PPARGC1A: variants seen among roughly 807,000 people sequenced by gnomAD.
PPARGC1A encodes peroxisome proliferator-activated receptor gamma coactivator 1-alpha.
A neutral mutation model predicts 88.7 loss-of-function variants in PPARGC1A; 25 were observed. The observed-to-expected ratio is 0.28, with a 90% CI of 0.21 to 0.39. The LOEUF is 0.39. PPARGC1A is among the 10% of genes least tolerant of loss of function. PPARGC1A has a pLI of 1.00. For missense variants in PPARGC1A, 880 were observed against 968.7 expected, an observed-to-expected ratio of 0.91 and a Z score of 1.22; for synonymous variants, 363 against 355.6, an observed-to-expected ratio of 1.02 and a Z score of -0.24.
chr4:23,900,869 T>C (rs1323090516), upstream of PPARGC1A, among the ~76,000 whole-genome samples: 1 of 152,218 alleles, frequency 6.6e-6, no homozygotes, highest in Non-Finnish European at 1.5e-5. Context: ...AGTTTTTGTT[T>C]CCATTAGGCT....
chr4:23,977,235 C>T, the PPARGC1A span, among the ~76,000 whole-genome samples: 38 of 152,248 alleles, frequency 2.5e-4, no homozygotes, highest in Middle Eastern at 3.4e-3. Flanking sequence ...CACCTCTCTC[C>T]GGCGCACACG....
At chr4:23,926,373 C>T in the PPARGC1A span, among the ~76,000 whole-genome samples, 1 of 152,176 alleles carries the variant, frequency 6.6e-6, no homozygotes, top group Non-Finnish European at 1.5e-5. Context: ...ACCAAAAATA[C>T]ACTCATCCCC....
chr4:23,872,201 T>C (rs1174795852), intron 2 of PPARGC1A, among the ~76,000 whole-genome samples: 1 of 152,096 alleles, frequency 6.6e-6, no homozygotes, highest in African/African-American at 2.4e-5. Context: ...ACAGTTCTCA[T>C]CCATAGAAGC....
chr4:24,009,042 A>G, the PPARGC1A span, among the ~76,000 whole-genome samples: 1 of 151,130 alleles, frequency 6.6e-6, no homozygotes, highest in Non-Finnish European at 1.5e-5. Flanking sequence ...TACTTAATAC[A>G]GGAAGACCTT....
At chr4:24,384,486 C>T in the PPARGC1A span, among the ~76,000 whole-genome samples, 2 of 147,924 alleles carry the variant, frequency 1.4e-5, no homozygotes, top group African/African-American at 5.0e-5. Context: ...TCAGGAGACC[C>T]ATCTCACATG....
intron 2 of PPARGC1A, 66 bp downstream of exon 2, chr4:23,884,686 T>C (rs1426741649): frequency 1.2e-5 from 17 of 1,454,162 alleles, no homozygotes; most frequent in Non-Finnish European, 1.6e-5. Flanking sequence ...TTCAGGTCTA[T>C]TACCATGTTA....
the PPARGC1A span, among the ~76,000 whole-genome samples, chr4:23,973,172 G>A: frequency 3.3e-3 from 498 of 151,882 alleles, 5 homozygotes; most frequent in African/African-American, 0.012. Flanking sequence ...TGCAGGAAGG[G>A]CAGGAAGAAG....
At chr4:24,404,922 T>C in the PPARGC1A span, among the ~76,000 whole-genome samples, 3 of 152,122 alleles carry the variant, frequency 2.0e-5, no homozygotes, top group Admixed American at 1.3e-4. Context: ...CAAATAAGAC[T>C]CTGAAGACCT....
the PPARGC1A span, among the ~76,000 whole-genome samples, chr4:24,247,627 A>T: frequency 4.6e-5 from 7 of 152,208 alleles, no homozygotes; most frequent in Admixed American, 2.6e-4. Context: ...CATATTGCCA[A>T]TTCCAAAGAC....
chr4:23,928,792 A>C, the PPARGC1A span, among the ~76,000 whole-genome samples: 98 of 151,938 alleles, frequency 6.4e-4, no homozygotes, highest in African/African-American at 2.2e-3. Context: ...ACAAAAAAAA[A>C]AACCCAAGAT....
At chr4:24,443,379 A>C in the PPARGC1A span, among the ~76,000 whole-genome samples, 2 of 152,050 alleles carry the variant, frequency 1.3e-5, no homozygotes, top group African/African-American at 4.8e-5. Flanking sequence ...GTCACACCTG[A>C]ACACCAGGAA....
the PPARGC1A span, among the ~76,000 whole-genome samples, chr4:24,430,379 T>A: frequency 6.8e-6 from 1 of 147,114 alleles, no homozygotes; most frequent in Non-Finnish European, 1.5e-5. Context: ...TGCCTCAGCC[T>A]CCCGAGTAGC....
chr4:23,840,528 A>G (rs557273275), intron 2 of PPARGC1A, among the ~76,000 whole-genome samples: 1 of 152,166 alleles, frequency 6.6e-6, no homozygotes, highest in East Asian at 1.9e-4. Flanking sequence ...TCTCAGTGCA[A>G]CATTTCCCAA....
At chr4:23,952,218 A>G in the PPARGC1A span, among the ~76,000 whole-genome samples, 1 of 152,154 alleles carries the variant, frequency 6.6e-6, no homozygotes, top group African/African-American at 2.4e-5. Flanking sequence ...CATTTAAATC[A>G]TCTGAAAGAG....
the PPARGC1A span, among the ~76,000 whole-genome samples, chr4:24,350,137 C>G: frequency 6.6e-5 from 10 of 152,200 alleles, no homozygotes; most frequent in African/African-American, 2.2e-4. Context: ...AGTTGGGGCA[C>G]TCACAATATT....
chr4:24,126,215 T>G, the PPARGC1A span, among the ~76,000 whole-genome samples: 2 of 151,514 alleles, frequency 1.3e-5, no homozygotes, highest in Admixed American at 6.6e-5. Flanking sequence ...TCTCCCCACC[T>G]TGGTGAGTGC....
chr4:23,901,535 C>T (rs1399894680), upstream of PPARGC1A, among the ~76,000 whole-genome samples: 1 of 148,570 alleles, frequency 6.7e-6, no homozygotes, highest in Admixed American at 6.7e-5. Flanking sequence ...CAGAGTAAGA[C>T]TCCGTCTCAA....
upstream of PPARGC1A, among the ~76,000 whole-genome samples, chr4:23,904,489 G>A (rs1265359799): frequency 6.6e-6 from 1 of 152,108 alleles, no homozygotes; most frequent in African/African-American, 2.4e-5. Context: ...TTTGCAAACT[G>A]GTTAATATTG....
the PPARGC1A span, among the ~76,000 whole-genome samples, chr4:24,041,413 G>T: frequency 6.6e-6 from 1 of 152,108 alleles, no homozygotes; most frequent in East Asian, 1.9e-4. Flanking sequence ...CTCCCTCCGT[G>T]GCATCTTCAG....
Sources: gnomAD v4.1 joint callset for allele counts (sites outside exome capture counted in the v4.1 genomes callset) on GRCh38, gnomAD v4.1.1 for gene constraint, MANE v1.5 for transcripts, NCBI Gene and HGNC (gene_info 2026-07-23, HGNC 2026-07-21) for gene names.